The following SLC24A3 variants were observed in gnomAD, a reference collection of about 807,000 sequenced individuals.
SLC24A3 encodes the protein solute carrier family 24 member 3.
A neutral mutation model predicts 75.8 loss-of-function variants in SLC24A3; 28 were observed. The ratio of observed to expected loss-of-function variants is 0.37; its 90% CI spans 0.27 to 0.51. The LOEUF (loss-of-function observed/expected upper bound fraction) is 0.51. Among genes scored for constraint, SLC24A3 ranks in the 20% least tolerant of loss-of-function variants. SLC24A3 has a pLI of 0.94. For synonymous variants in SLC24A3, 372 were observed against 334.1 expected (o/e 1.11, Z -1.24); for missense variants, 663 against 847.8 (o/e 0.78, Z 2.71).
rs549062317 is a variant in SLC24A3 at position 19,371,215 on chromosome 20, G to A, written c.271+90128G>A. 9.9e-5 allele frequency among the ~76,000 whole-genome samples: 15 copies of A among 152,252 alleles called. No individual in the cohort carries two copies. In the South Asian group the frequency reaches 3.1e-3, roughly 32 times the overall value. ...CCTCCCCAATAGGGGAGGGAGCAGG[G>A]TACATATAGGCCAACTGGGAGGTAG... On this transcript the variant is annotated intron_variant, in intron 2 of 16. Coordinates refer to ENST00000328041, the MANE Select transcript of SLC24A3 (RefSeq NM_020689.4).
intron 6 of SLC24A3, among the ~76,000 whole-genome samples, chr20:19,624,977 T>C (rs1009325310): frequency 9.2e-5 from 14 of 152,328 alleles, no homozygotes; most frequent in African/African-American, 3.1e-4. Context: ...TGATCTGGGC[T>C]GATCCTGGCT....
intron 9 of SLC24A3, among the ~76,000 whole-genome samples, chr20:19,677,675 C>A (rs75444620): frequency 2.1e-5 from 2 of 95,626 alleles, no homozygotes; most frequent in Non-Finnish European, 4.4e-5. Flanking sequence ...TTTTAGGATT[C>A]TTTTTTTTTT....
chr20:19,297,677 G>A (rs1984093800), intron 2 of SLC24A3, among the ~76,000 whole-genome samples: 1 of 152,118 alleles, frequency 6.6e-6, no homozygotes, highest in African/African-American at 2.4e-5. Flanking sequence ...AGACTTTCCA[G>A]GTAAATGTTA....
chr20:19,277,967 TGGCCACA>T (rs1983535750), intron 1 of SLC24A3, among the ~76,000 whole-genome samples: 3 of 152,196 alleles, frequency 2.0e-5, no homozygotes, highest in Middle Eastern at 3.2e-3. Flanking sequence ...GCCACGCTGC[TGGCCACA>T]GCATGACTCT....
intron 6 of SLC24A3, among the ~76,000 whole-genome samples, chr20:19,649,631 A>G (rs964977054): frequency 2.0e-5 from 3 of 151,786 alleles, no homozygotes; most frequent in African/African-American, 4.8e-5. Context: ...GCCTTCAACT[A>G]TTCTCTTTTT....
intron 2 of SLC24A3, among the ~76,000 whole-genome samples, chr20:19,310,913 T>A (rs552222835): frequency 6.6e-6 from 1 of 152,338 alleles, no homozygotes; most frequent in Admixed American, 6.5e-5. Flanking sequence ...GAGCTTATAA[T>A]CATGTTTATT....
intron 15 of SLC24A3, among the ~76,000 whole-genome samples, chr20:19,709,976 GGTCACT>G (rs2032971897): frequency 6.6e-6 from 1 of 152,118 alleles, no homozygotes; most frequent in Admixed American, 6.5e-5. Context: ...CTGTGGGCTG[GGTCACT>G]GTCTTACCTC....
intron 3 of SLC24A3, among the ~76,000 whole-genome samples, chr20:19,575,177 G>A (rs2031111484): frequency 6.7e-6 from 1 of 149,560 alleles, no homozygotes; most frequent in Admixed American, 6.8e-5. Flanking sequence ...TCTTGAGTCT[G>A]GTGGAACAAA....
intron 12 of SLC24A3, among the ~76,000 whole-genome samples, chr20:19,686,086 G>A (rs2032672301): frequency 6.6e-6 from 1 of 152,234 alleles, no homozygotes; most frequent in Non-Finnish European, 1.5e-5. Context: ...CTATGGGACA[G>A]TTGGGCTGGT....
At chr20:19,261,793 A>G (rs1982997595) in intron 1 of SLC24A3, 1 of 152,272 alleles carries the variant, frequency 6.6e-6, no homozygotes, top group African/African-American at 2.4e-5. Context: ...AACTTAAACC[A>G]AAGTCTGGTG....
chr20:19,232,620 G>A (rs953262136), intron 1 of SLC24A3, among the ~76,000 whole-genome samples: 28 of 152,216 alleles, frequency 1.8e-4, no homozygotes, highest in African/African-American at 6.0e-4. Flanking sequence ...AGGCATCACC[G>A]TAGTAGTCCA....
At chr20:19,631,887 T>A (rs929975834) in intron 6 of SLC24A3, among the ~76,000 whole-genome samples, 8 of 151,992 alleles carry the variant, frequency 5.3e-5, no homozygotes, top group Non-Finnish European at 8.8e-5. Flanking sequence ...GAAATGTGAG[T>A]CTGGCTCTGA....
chr20:19,237,025 A>G (rs1018689229), intron 1 of SLC24A3, among the ~76,000 whole-genome samples: 6 of 152,230 alleles, frequency 3.9e-5, no homozygotes, highest in African/African-American at 1.2e-4. Flanking sequence ...GAACTTTAAA[A>G]TGTGATATTC....
At chr20:19,515,451 A>G (rs1237082138) in intron 2 of SLC24A3, 37 bp from the exon 3 acceptor site, 2 of 1,602,230 alleles carry the variant, frequency 1.2e-6, no homozygotes, top group Non-Finnish European at 1.7e-6. Flanking sequence ...AAATGTGGTC[A>G]CCTGTGCTGA....
chr20:19,240,977 A>C (rs1351853156), intron 1 of SLC24A3, among the ~76,000 whole-genome samples: 1 of 152,214 alleles, frequency 6.6e-6, no homozygotes, highest in African/African-American at 2.4e-5. Flanking sequence ...ATTGGCAGCA[A>C]GTGCCACGCC....
chr20:19,537,874 G>A (rs1370654892), intron 3 of SLC24A3, among the ~76,000 whole-genome samples: 8 of 136,626 alleles, frequency 5.9e-5, no homozygotes, highest in African/African-American at 8.1e-5. Flanking sequence ...ACCGGGGACC[G>A]TTGTGGGGTG....
At chr20:19,533,192 G>A (rs2030333122) in intron 3 of SLC24A3, among the ~76,000 whole-genome samples, 1 of 152,226 alleles carries the variant, frequency 6.6e-6, no homozygotes, top group South Asian at 2.1e-4. Context: ...TGGAGCTAAA[G>A]TCATGTGAAT....
intron 15 of SLC24A3, among the ~76,000 whole-genome samples, chr20:19,714,405 T>TAAA (rs1176209950): frequency 3.9e-5 from 2 of 50,752 alleles, no homozygotes; most frequent in Non-Finnish European, 3.7e-5. Context: ...ACCCAGTCTC[T>TAAA]AAAAAAAAAA....
In SLC24A3 at chr20:19,346,220, ATG is replaced by A. The variant is rs1320758345; in HGVS notation, c.271+65135_271+65136del. Among the ~76,000 whole-genome samples, 157 of 84,896 alleles carry A rather than the reference ATG, an allele frequency of 1.8e-3. 27 individuals are homozygous for A. Among genetic ancestry groups the A allele is most frequent in the East Asian group, 0.012 (36 of 2,956 alleles). 55.7% of individuals were successfully genotyped at this position (84,896 alleles called of 152,430 possible). A position where few individuals can be genotyped will look rare whatever the true frequency, so the allele number is the denominator to read the frequency against. Reference sequence around the variant, plus strand: ...TATATGGTATATATATATGGTGTATATGTATATATGGTATATATATATGGTGT... The same window carrying A: ...TATATGGTATATATATATGGTGTATATATATATGGTATATATATATGGTGT... On this transcript the variant is annotated intron_variant, in intron 2 of 16. Coordinates refer to ENST00000328041, the MANE Select transcript of SLC24A3 (RefSeq NM_020689.4).
Sources: allele counts gnomAD v4.1 joint callset (sites outside exome capture counted in the v4.1 genomes callset), GRCh38; gene constraint gnomAD v4.1.1; transcripts MANE v1.5; gene names NCBI Gene and HGNC (gene_info 2026-07-23, HGNC 2026-07-21).